Variants in NF1 observed in about 807,000 individuals in gnomAD.
The protein encoded by NF1 is neurofibromin 1.
In NF1, 122 loss-of-function variants were observed where a neutral mutation model predicts 325.7. That is an observed-to-expected ratio of 0.37 (90% CI 0.32 to 0.44). The LOEUF (loss-of-function observed/expected upper bound fraction) is 0.44. Ranked by LOEUF, NF1 falls within the 20% of genes least tolerant of loss-of-function variation. The pLI is 1.00. For missense variants in NF1, 2,140 were observed against 3,415.4 expected (o/e 0.63, Z 9.31); for synonymous variants, 1,091 against 1,186.0 (o/e 0.92, Z 1.65).
At chr17:31,235,361 C>T (rs1328623007) in intron 27 of NF1, among the ~76,000 whole-genome samples, 2 of 152,090 alleles carry the variant, frequency 1.3e-5, no homozygotes, top group Non-Finnish European at 2.9e-5. Context: ...CCTAGTAAAG[C>T]GTAGGCCTCT....
chr17:31,175,864 A>G (rs910651378), intron 5 of NF1, among the ~76,000 whole-genome samples: 3 of 152,190 alleles, frequency 2.0e-5, no homozygotes, highest in Admixed American at 6.5e-5. Flanking sequence ...ATCCTTTTCT[A>G]TGTCAGCATA....
At chr17:31,339,231 G>A (rs867300970) in intron 46 of NF1, among the ~76,000 whole-genome samples, 28 of 152,214 alleles carry the variant, frequency 1.8e-4, no homozygotes, top group Middle Eastern at 3.4e-3. Context: ...AACAAAATAC[G>A]TAGTATGTTA....
At chr17:31,293,039 G>A (rs1203088506) in intron 36 of NF1, among the ~76,000 whole-genome samples, 1 of 151,718 alleles carries the variant, frequency 6.6e-6, no homozygotes, top group Non-Finnish European at 1.5e-5. Context: ...TTAGTCGAGC[G>A]TGGTGGCAGG....
chr17:31,173,251 A>G (rs911653508), intron 5 of NF1, among the ~76,000 whole-genome samples: 4 of 152,136 alleles, frequency 2.6e-5, no homozygotes, highest in African/African-American at 9.7e-5. Flanking sequence ...TCTACTAGAA[A>G]TACAAAAAAT....
At chr17:31,312,056 ATT>A (rs550188584) in intron 36 of NF1, among the ~76,000 whole-genome samples, 7 of 150,158 alleles carry the variant, frequency 4.7e-5, no homozygotes, top group Non-Finnish European at 8.9e-5. Flanking sequence ...TTTTGTGGTG[ATT>A]TTTTTTTTAA....
intron 31 of NF1, 130 bp downstream of exon 31, chr17:31,253,130 C>T: frequency 1.4e-6 from 1 of 707,202 alleles, no homozygotes; most frequent in South Asian, 1.6e-5. Context: ...AATTCTGGCA[C>T]AAAATAGCTT....
At chr17:31,213,890 C>T (rs779962101) in intron 12 of NF1, among the ~76,000 whole-genome samples, 5 of 152,172 alleles carry the variant, frequency 3.3e-5, no homozygotes, top group Admixed American at 6.5e-5. Context: ...TTCATTAATT[C>T]TAAGAAGCAC....
rs199474741 is a variant in NF1 at position 31,233,092 on chromosome 17, T to A, written c.3587T>A (p.Leu1196His). Residue 1196 changes from leucine (L) to histidine (H), a missense_variant, in exon 27 of 58, where the codon CTT becomes CAT. By Grantham distance (99) the Leu-to-His change is moderately conservative. Coordinates refer to ENST00000358273, the MANE Select transcript of NF1 (RefSeq NM_001042492.3). Reference protein sequence around the residue: ...ILQQGTEFDTLAETVLADRFE... With the variant: ...ILQQGTEFDTHAETVLADRFE... ...CAACAAGGCACAGAATTTGACACAC[T>A]TGCAGAAACAGTATTGGCTGATCGG... The A allele has an allele frequency of 6.2e-7, 1 of 1,614,170 alleles. No homozygotes were observed. Among genetic ancestry groups the A allele is most frequent in the Non-Finnish European group, 8.5e-7 (1 of 1,180,018 alleles).
At chr17:31,264,060 A>G (rs1185393689) in intron 35 of NF1, among the ~76,000 whole-genome samples, 7 of 152,170 alleles carry the variant, frequency 4.6e-5, no homozygotes, top group African/African-American at 1.7e-4. Context: ...TTCCCAAGAC[A>G]TAAGGCTCAT....
chr17:31,305,275 ATTGGTGTTGGTTGT>A, intron 36 of NF1: 1 of 1,614,074 alleles, frequency 6.2e-7, no homozygotes, highest in Non-Finnish European at 8.5e-7. Flanking sequence ...GGTGTTGGCT[ATTGGTGTTGGTTGT>A]TTGGTGTTGT....
intron 15 of NF1, chr17:31,222,454 C>G (rs2144008634): frequency 9.7e-7 from 1 of 1,031,742 alleles, no homozygotes; most frequent in Admixed American, 5.7e-5. Context: ...GAAGTCACCA[C>G]ACGGAGGAAA....
intron 1 of NF1, among the ~76,000 whole-genome samples, chr17:31,101,823 T>G (rs775642301): frequency 1.5e-4 from 23 of 152,304 alleles, no homozygotes; most frequent in Middle Eastern, 6.8e-3. Context: ...TTTTCTTCCT[T>G]TAGGAGGATT....
intron 1 of NF1, among the ~76,000 whole-genome samples, chr17:31,135,190 A>T (rs1915675023): frequency 6.6e-6 from 1 of 152,190 alleles, no homozygotes; most frequent in South Asian, 2.1e-4. Context: ...TCACTGAATT[A>T]GTATGTTTAT....
intron 13 of NF1, among the ~76,000 whole-genome samples, chr17:31,218,436 A>G (rs1567843526): frequency 6.6e-6 from 1 of 152,210 alleles, no homozygotes. Context: ...AGATAAAAAT[A>G]CTATACCCAC....
intron 36 of NF1, among the ~76,000 whole-genome samples, chr17:31,280,036 G>A (rs181034270): frequency 6.6e-6 from 1 of 151,972 alleles, no homozygotes; most frequent in Admixed American, 6.6e-5. Flanking sequence ...CATCTGATTA[G>A]TCATTAAGTC....
At chr17:31,196,850 G>C (rs1393792921) in intron 8 of NF1, among the ~76,000 whole-genome samples, 1 of 152,122 alleles carries the variant, frequency 6.6e-6, no homozygotes, top group Non-Finnish European at 1.5e-5. Context: ...TCATATGTGT[G>C]AGGGTTTCTT....
intron 47 of NF1, among the ~76,000 whole-genome samples, chr17:31,341,665 A>C (rs73277709): frequency 0.021 from 3,159 of 149,674 alleles, 134 homozygotes; most frequent in African/African-American, 0.073. Context: ...AAGGTTAATA[A>C]ATGTTAGGAG....
chr17:31,293,740 C>T (rs1449669216), intron 36 of NF1, among the ~76,000 whole-genome samples: 4 of 146,578 alleles, frequency 2.7e-5, no homozygotes, highest in African/African-American at 7.8e-5. Flanking sequence ...TTCTGCCTTA[C>T]GTCTCACAAA....
chr17:31,322,074 C>T (rs1015500889), intron 36 of NF1, among the ~76,000 whole-genome samples: 1 of 137,894 alleles, frequency 7.3e-6, no homozygotes, highest in East Asian at 2.2e-4. Flanking sequence ...AAAATGCTTT[C>T]GTGTGGTGTA....
Sources: gnomAD v4.1 joint callset for allele counts (sites outside exome capture counted in the v4.1 genomes callset) on GRCh38, gnomAD v4.1.1 for gene constraint, MANE v1.5 for transcripts, NCBI Gene and HGNC (gene_info 2026-07-23, HGNC 2026-07-21) for gene names.